The following PRKAR2A variants were observed in gnomAD, a reference collection of about 807,000 sequenced individuals.
The protein encoded by PRKAR2A is cAMP-dependent protein kinase type II-alpha regulatory subunit.
Under a neutral mutation model 51.9 loss-of-function variants are expected in PRKAR2A, and 29 were observed. The observed-to-expected ratio is 0.56, with a 90% CI of 0.42 to 0.76. The LOEUF is 0.76. Ranked by LOEUF, PRKAR2A falls within the 30% of genes least tolerant of loss-of-function variation. The probability of loss-of-function intolerance (pLI) is 0.00; values close to 1 mark genes in which losing one functional copy is unlikely to be tolerated. For missense variants in PRKAR2A, 445 were observed against 512.1 expected, an observed-to-expected ratio of 0.87 and a Z score of 1.26; for synonymous variants, 178 against 186.2, an observed-to-expected ratio of 0.96 and a Z score of 0.36.
intron 6 of PRKAR2A, among the ~76,000 whole-genome samples, chr3:48,767,427 C>T (rs1330698699): frequency 1.3e-5 from 2 of 151,714 alleles, no homozygotes; most frequent in Non-Finnish European, 2.9e-5. Flanking sequence ...TGCAGTGAGC[C>T]GAGATCATGC....
intron 8 of PRKAR2A, among the ~76,000 whole-genome samples, chr3:48,762,128 A>T (rs1002873256): frequency 6.6e-6 from 1 of 152,186 alleles, no homozygotes; most frequent in Non-Finnish European, 1.5e-5. Flanking sequence ...GATACCATTA[A>T]GAAAATGAAG....
At chr3:48,779,845 T>C (rs1307071248) in intron 5 of PRKAR2A, among the ~76,000 whole-genome samples, 2 of 150,420 alleles carry the variant, frequency 1.3e-5, no homozygotes, top group Non-Finnish European at 3.0e-5. Context: ...TATAGTTTTG[T>C]ATTATATTTA....
intron 2 of PRKAR2A, among the ~76,000 whole-genome samples, chr3:48,796,937 A>T: frequency 6.6e-6 from 1 of 151,788 alleles, no homozygotes. Flanking sequence ...TAGTTTACTG[A>T]GCATTTTGTA....
At chr3:48,766,593 A>C (rs1041576002) in intron 6 of PRKAR2A, among the ~76,000 whole-genome samples, 1 of 152,102 alleles carries the variant, frequency 6.6e-6, no homozygotes, top group Non-Finnish European at 1.5e-5. Flanking sequence ...AAAAATAAAA[A>C]GTCTACAGTT....
intron 1 of PRKAR2A, among the ~76,000 whole-genome samples, chr3:48,844,920 T>C (rs929086179): frequency 1.3e-5 from 2 of 151,692 alleles, no homozygotes; most frequent in African/African-American, 4.8e-5. Context: ...GCATGGCACA[T>C]GTATACATAT....
At chr3:48,755,077 A>T (rs1293310172) in intron 9 of PRKAR2A, among the ~76,000 whole-genome samples, 2 of 149,812 alleles carry the variant, frequency 1.3e-5, no homozygotes, top group Non-Finnish European at 3.0e-5. Flanking sequence ...AGCTCACGCA[A>T]GCTCTGCCTC....
chr3:48,792,950 C>T (rs962149410), intron 3 of PRKAR2A, among the ~76,000 whole-genome samples: 3 of 151,040 alleles, frequency 2.0e-5, no homozygotes, highest in African/African-American at 4.9e-5. Context: ...AACAAACAAA[C>T]GTAATTTATG....
At chr3:48,808,792 C>T (rs551126263) in intron 1 of PRKAR2A, among the ~76,000 whole-genome samples, 8 of 128,460 alleles carry the variant, frequency 6.2e-5, no homozygotes, top group African/African-American at 2.2e-4. Context: ...GCTGGGATTA[C>T]AGGCGTGAGC....
Position 48,748,291 on chromosome 3 carries a change from CT to C in PRKAR2A, c.*3293del, listed in dbSNP as rs527427643. On this transcript the variant is annotated 3_prime_UTR_variant, in exon 11 of 11. Coordinates refer to ENST00000265563, the MANE Select transcript of PRKAR2A (RefSeq NM_004157.4). ...CAGGTCCAGCTAATTGTTTTTTTAA[CT>C]TTTTTTTTTTTTTTTTTTCTTGGTA... The C allele has an allele frequency of 0.045, 5,980 of 133,538 alleles. 377 individuals carry two copies. The highest frequency in any genetic ancestry group is 0.15 in the African/African-American group (5,423 of 35,934). 8.3% of individuals were successfully genotyped at this position (133,538 alleles called of 1,614,324 possible).
At chr3:48,752,452 C>T (rs2081666469) in intron 9 of PRKAR2A, 135 bp from the exon 10 acceptor site, 1 of 974,128 alleles carries the variant, frequency 1.0e-6, no homozygotes, top group Non-Finnish European at 1.5e-6. Context: ...AATTCACTAA[C>T]TGTACCATGT....
At chr3:48,837,906 C>T (rs977682622) in intron 1 of PRKAR2A, among the ~76,000 whole-genome samples, 2 of 152,038 alleles carry the variant, frequency 1.3e-5, no homozygotes, top group Admixed American at 6.6e-5. Context: ...TGGCTGGGCA[C>T]GGTGGCTAAC....
At chr3:48,829,744 C>CGCATATATTTTATATACAT (rs1559646648) in intron 1 of PRKAR2A, among the ~76,000 whole-genome samples, 4 of 130,172 alleles carry the variant, frequency 3.1e-5, no homozygotes, top group Admixed American at 7.9e-5. Flanking sequence ...TTTATATATA[C>CGCATATATTTTATATACAT]GCATATATTT....
At chr3:48,797,399 C>T (rs938770440) in intron 2 of PRKAR2A, among the ~76,000 whole-genome samples, 7 of 152,056 alleles carry the variant, frequency 4.6e-5, no homozygotes, top group Non-Finnish European at 1.0e-4. Flanking sequence ...GAACTCCTGA[C>T]CTCAAGTGAT....
chr3:48,771,924 G>A (rs2082035218), intron 6 of PRKAR2A, among the ~76,000 whole-genome samples: 1 of 151,762 alleles, frequency 6.6e-6, no homozygotes, highest in Non-Finnish European at 1.5e-5. Flanking sequence ...CTGTTTAGCT[G>A]TTCGTTCTTT....
At position 48,847,702 on chromosome 3, in the gene PRKAR2A, A is replaced by G; in HGVS notation, c.-106T>C. 2 of 1,156,616 alleles carry G rather than the reference A, an allele frequency of 1.7e-6. No homozygotes were observed. The highest frequency in any genetic ancestry group is 2.3e-6 in the Non-Finnish European group (2 of 875,490). The allele number at this position is 1,156,616 out of a possible 1,614,324, so 71.6% of individuals were successfully genotyped here. On this transcript the variant is annotated 5_prime_UTR_variant, in exon 1 of 11. Coordinates refer to ENST00000265563, the MANE Select transcript of PRKAR2A (RefSeq NM_004157.4). This position sits in a 1 kb window ranked among gnomAD's most constrained non-coding sequence, Gnocchi z 4.4. Reference sequence around the variant, plus strand: ...CCGCGCCCGCGAGGTCTCTTCGCGCACGGCCCCGGCTCACGTCGCGCCGCT... The same window carrying G: ...CCGCGCCCGCGAGGTCTCTTCGCGCGCGGCCCCGGCTCACGTCGCGCCGCT...
chr3:48,790,609 C>A lies in PRKAR2A; in HGVS notation c.370G>T (p.Asp124Tyr). The A allele has an allele frequency of 6.6e-7, 1 of 1,512,194 alleles. No homozygotes were observed. Among genetic ancestry groups the A allele is most frequent in the Non-Finnish European group, 8.9e-7 (1 of 1,129,138 alleles). 93.7% of individuals were successfully genotyped at this position (1,512,194 alleles called of 1,614,324 possible). A position where few individuals can be genotyped will look rare whatever the true frequency, so the allele number is the denominator to read the frequency against. ...TDPRVIHPKT[D>Y]EQRCRLQEAC... Reference sequence around the variant, plus strand: ...TCCTGAAGTCTGCATCTCTGTTCATCAGTTTTAGGATGAATCACCTGCCAA... The same window carrying A: ...TCCTGAAGTCTGCATCTCTGTTCATAAGTTTTAGGATGAATCACCTGCCAA... The change falls in exon 4 of 11, where the codon GAT (aspartate) becomes TAT (tyrosine). Residue 124 changes from aspartate to tyrosine, a missense_variant. Transcript: ENST00000265563.
At position 48,751,429 on chromosome 3, in the gene PRKAR2A, C is replaced by T. The variant is rs1487651416; in HGVS notation, c.*156G>A. 2.7e-6 allele frequency: 3 copies of T among 1,111,566 alleles called. No homozygotes were observed. Among genetic ancestry groups the T allele is most frequent in the South Asian group, 2.7e-5 (2 of 75,146 alleles). The allele number at this position is 1,111,566 out of a possible 1,614,324, so 68.9% of individuals were successfully genotyped here. A position where few individuals can be genotyped will look rare whatever the true frequency, so the allele number is the denominator to read the frequency against. On this transcript the variant is annotated 3_prime_UTR_variant, in exon 11 of 11. Coordinates refer to ENST00000265563, the MANE Select transcript of PRKAR2A (RefSeq NM_004157.4). The stretch of plus-strand genomic sequence containing the variant: ...TTGAACCTCTGCCCATCCTTTAGTG[C>T]TGACTTTCAAGTTTTCTAAATGCCC...
chr3:48,836,681 C>T (rs1481131036), intron 1 of PRKAR2A, among the ~76,000 whole-genome samples: 2 of 150,692 alleles, frequency 1.3e-5, no homozygotes, highest in Non-Finnish European at 3.0e-5. Context: ...CAAAGGACAC[C>T]AAAAAAGTGA....
rs561055565 is a variant in PRKAR2A, at chr3:48,829,733, G to A, written c.262+17602C>T. 1.8e-3 allele frequency among the ~76,000 whole-genome samples: 228 copies of A among 126,730 alleles called. 1 individual carries two copies. Among genetic ancestry groups the A allele is most frequent in the Admixed American group, 3.8e-3 (47 of 12,358 alleles). 83.1% of individuals were successfully genotyped at this position (126,730 alleles called of 152,430 possible). A position where few individuals can be genotyped will look rare whatever the true frequency, so the allele number is the denominator to read the frequency against. On this transcript the variant is annotated intron_variant, in intron 1 of 10. Coordinates refer to ENST00000265563, the MANE Select transcript of PRKAR2A (RefSeq NM_004157.4). ...TTATACGTATATATTTTATATATAC[G>A]TTTATATATACGCATATATTTTATA... is the stretch of plus-strand genomic sequence containing the variant.
Sources: gnomAD v4.1 joint callset for allele counts (sites outside exome capture counted in the v4.1 genomes callset) on GRCh38, gnomAD v4.1.1 for gene constraint, Gnocchi (gnomAD v3.1) non-coding constraint, MANE v1.5 for transcripts, NCBI Gene and HGNC (gene_info 2026-07-23, HGNC 2026-07-21) for gene names.